The following DENND1A variants were observed in gnomAD, a reference collection of about 807,000 sequenced individuals.
The protein encoded by DENND1A is DENN domain containing 1A, also known as DENN domain-containing protein 1A.
Under a neutral mutation model 113.7 loss-of-function variants are expected in DENND1A, and 51 were observed. The observed-to-expected ratio is 0.45, with a 90% CI of 0.36 to 0.57. DENND1A has a LOEUF of 0.57. DENND1A is among the 20% of genes least tolerant of loss of function. The pLI, the probability that DENND1A is intolerant of heterozygous loss-of-function variation, is 0.00. For missense variants in DENND1A, 1,258 were observed against 1,395.9 expected (o/e 0.90, Z 1.57); for synonymous variants, 565 against 570.8 (o/e 0.99, Z 0.14).
intron 19 of DENND1A, among the ~76,000 whole-genome samples, chr9:123,431,074 A>G (rs2046099995): frequency 6.6e-6 from 1 of 152,192 alleles, no homozygotes; most frequent in African/African-American, 2.4e-5. Context: ...ACCAAGCCAT[A>G]CCTGAAGCTA....
chr9:123,395,711 C>G (rs1489252719), intron 21 of DENND1A, among the ~76,000 whole-genome samples: 5 of 152,160 alleles, frequency 3.3e-5, no homozygotes, highest in African/African-American at 7.2e-5. Context: ...CAGTTCCTGG[C>G]TCTTAGAGGG....
At chr9:123,570,767 C>T (rs936972842) in intron 12 of DENND1A, among the ~76,000 whole-genome samples, 3 of 152,178 alleles carry the variant, frequency 2.0e-5, no homozygotes, top group African/African-American at 7.2e-5. Flanking sequence ...CCTAGTCCCT[C>T]GCTTCTGGAA....
intron 13 of DENND1A, among the ~76,000 whole-genome samples, chr9:123,532,308 T>C (rs954468279): frequency 6.6e-6 from 1 of 152,202 alleles, no homozygotes; most frequent in African/African-American, 2.4e-5. Context: ...AATCTAAAAT[T>C]TGGACTTGAT....
intron 2 of DENND1A, among the ~76,000 whole-genome samples, chr9:123,804,339 C>T (rs1424909728): frequency 2.0e-5 from 3 of 152,162 alleles, no homozygotes; most frequent in Non-Finnish European, 2.9e-5. Flanking sequence ...TGCCCAGTCT[C>T]GGGTATGTCT....
chr9:123,693,303 A>G (rs1014595869), intron 5 of DENND1A, among the ~76,000 whole-genome samples: 1 of 152,144 alleles, frequency 6.6e-6, no homozygotes, highest in African/African-American at 2.4e-5. Context: ...CCTTCCCACC[A>G]TCTCTCTTTT....
intron 8 of DENND1A, 122 bp from the exon 9 acceptor site, chr9:123,652,245 T>C: frequency 1.2e-6 from 1 of 848,448 alleles, no homozygotes; most frequent in Non-Finnish European, 1.8e-6. Context: ...TTCCCTGTCC[T>C]TTTCTTTCTA....
intron 18 of DENND1A, among the ~76,000 whole-genome samples, chr9:123,447,187 C>A (rs971764380): frequency 6.6e-6 from 1 of 152,226 alleles, no homozygotes; most frequent in African/African-American, 2.4e-5. Flanking sequence ...GCATCTTTGC[C>A]ATTTCTTCTT....
chr9:123,458,448 A>G (rs553246652), intron 13 of DENND1A, among the ~76,000 whole-genome samples: 1 of 152,254 alleles, frequency 6.6e-6, no homozygotes, highest in Admixed American at 6.5e-5. Context: ...TCTTTTATGG[A>G]TGAGGAAGCT....
intron 13 of DENND1A, among the ~76,000 whole-genome samples, chr9:123,503,450 C>A (rs1355177392): frequency 6.6e-6 from 1 of 152,212 alleles, no homozygotes; most frequent in Non-Finnish European, 1.5e-5. Flanking sequence ...CCTCTTAACA[C>A]TCAGCCCATT....
At chr9:123,801,653 C>A (rs1399664106) in intron 2 of DENND1A, among the ~76,000 whole-genome samples, 1 of 152,206 alleles carries the variant, frequency 6.6e-6, no homozygotes, top group Non-Finnish European at 1.5e-5. Context: ...AGTCAAATTA[C>A]TGGATCATAT....
At chr9:123,784,284 T>C (rs750810508) in intron 3 of DENND1A, among the ~76,000 whole-genome samples, 25 of 152,052 alleles carry the variant, frequency 1.6e-4, no homozygotes, top group Non-Finnish European at 2.5e-4. Context: ...TAAAGAGAAG[T>C]TATGTGATTT....
chr9:123,414,354 C>T (rs144009096), intron 19 of DENND1A: 1 of 1,418,410 alleles, frequency 7.1e-7, no homozygotes, highest in Admixed American at 3.1e-5. Context: ...AGCCTCTCCC[C>T]CTCCCAGTCC....
intron 2 of DENND1A, among the ~76,000 whole-genome samples, chr9:123,831,518 A>G (rs1840205931): frequency 6.6e-6 from 1 of 152,214 alleles, no homozygotes; most frequent in African/African-American, 2.4e-5. Context: ...ACAAAATGGG[A>G]AGACTTAGTC....
chr9:123,431,807 A>G (rs868386526), intron 19 of DENND1A, among the ~76,000 whole-genome samples: 2 of 151,888 alleles, frequency 1.3e-5, no homozygotes, highest in African/African-American at 4.8e-5. Context: ...CTCCCACACT[A>G]CTCTTAGGCC....
At chr9:123,644,539 G>T (rs1449440768) in intron 9 of DENND1A, among the ~76,000 whole-genome samples, 1 of 151,302 alleles carries the variant, frequency 6.6e-6, no homozygotes, top group East Asian at 1.9e-4. Flanking sequence ...TCCTTTAGTG[G>T]GGTGGCTATT....
intron 2 of DENND1A, among the ~76,000 whole-genome samples, chr9:123,865,559 A>G (rs1018586513): frequency 6.6e-6 from 1 of 152,190 alleles, no homozygotes; most frequent in Non-Finnish European, 1.5e-5. Flanking sequence ...CCCAGGGCAG[A>G]CTCCTGATGA....
At chr9:123,520,385 C>G (rs10986036) in intron 13 of DENND1A, among the ~76,000 whole-genome samples, 45,853 of 151,894 alleles carry the variant, frequency 0.3, 6,982 homozygotes, top group South Asian at 0.37. Flanking sequence ...CTGGAACCTG[C>G]GAGGTTGCAG....
rs770318593 is a variant in DENND1A, at chr9:123,381,782, T to C, written c.2863A>G (p.Asn955Asp). 1.3e-6 allele frequency: 2 copies of C among 1,516,762 alleles called. No homozygotes were observed. Among genetic ancestry groups the C allele is most frequent in the Non-Finnish European group, 1.8e-6 (2 of 1,132,136 alleles). The allele number at this position is 1,516,762 out of a possible 1,614,324, so 94.0% of individuals were successfully genotyped here. ...CCCATGGGCATCTGGCCAAAGAGGTTGGGCATGGAGAGGGCGGAGAGGTTG... is the reference window on the plus strand; with the variant it reads ...CCCATGGGCATCTGGCCAAAGAGGTCGGGCATGGAGAGGGCGGAGAGGTTG... ...QPNLSALSMP[N>D]LFGQMPMGTH... Residue 955 changes from asparagine to aspartate, a missense_variant, in exon 24 of 24, where the codon AAC becomes GAC. By Grantham distance (23) the Asn-to-Asp change is conservative. Around this residue, in one of 2 missense-constraint regions of DENND1A, gnomAD observed 1,159 missense variants for 1,231.7 expected, o/e 0.94. Transcript: ENST00000394215. The surrounding 1 kb of genome is among the most constrained non-coding windows in gnomAD (Gnocchi z 4.7).
chr9:123,752,663 CATTACAGTTTTGGCCTTGA>C (rs1269689017), intron 5 of DENND1A, among the ~76,000 whole-genome samples: 2 of 152,214 alleles, frequency 1.3e-5, no homozygotes, highest in East Asian at 3.8e-4. Context: ...TCGCATCTTT[CATTACAGTTTTGGCCTTGA>C]TGGAGTATGT....
Sources: gnomAD v4.1 joint callset for allele counts (sites outside exome capture counted in the v4.1 genomes callset) on GRCh38, gnomAD v4.1.1 for gene constraint, gnomAD v4.1.1 regional missense constraint, Gnocchi (gnomAD v3.1) non-coding constraint, MANE v1.5 for transcripts, NCBI Gene and HGNC (gene_info 2026-07-23, HGNC 2026-07-21) for gene names.